The following ZNF804B variants were observed in gnomAD, a reference collection of about 807,000 sequenced individuals.
The protein encoded by ZNF804B is zinc finger protein 804B, also known as zinc finger 804B.
Under a neutral mutation model 101.4 loss-of-function variants are expected in ZNF804B, and 80 were observed. The ratio of observed to expected loss-of-function variants is 0.79; its 90% confidence interval spans 0.66 to 0.95. ZNF804B has a LOEUF of 0.95. Ranked by LOEUF, ZNF804B falls within the 40% of genes least tolerant of loss-of-function variation. ZNF804B has a pLI of 0.00. For missense variants in ZNF804B, 1,673 were observed against 1,561.9 expected, an observed-to-expected ratio of 1.07 and a Z score of -1.20; for synonymous variants, 622 against 558.8, an observed-to-expected ratio of 1.11 and a Z score of -1.59.
At chr7:88,937,267 CCGG>C (rs1792987131) in intron 1 of ZNF804B, among the ~76,000 whole-genome samples, 2 of 152,036 alleles carry the variant, frequency 1.3e-5, no homozygotes, top group Non-Finnish European at 2.9e-5. Flanking sequence ...GCATTAGATA[CCGG>C]CAACAGGACT....
chr7:89,275,129 T>A (rs1259321412), intron 2 of ZNF804B, among the ~76,000 whole-genome samples: 2 of 151,988 alleles, frequency 1.3e-5, no homozygotes, highest in Non-Finnish European at 2.9e-5. Context: ...CTCAAAAACC[T>A]GTTTTTCTTC....
At chr7:89,123,951 G>T (rs540044329) in intron 1 of ZNF804B, among the ~76,000 whole-genome samples, 2 of 152,272 alleles carry the variant, frequency 1.3e-5, no homozygotes, top group East Asian at 3.9e-4. Flanking sequence ...GCAAGCATGG[G>T]AAGTCTGAAA....
At chr7:88,900,749 A>G (rs1031274104) in intron 1 of ZNF804B, among the ~76,000 whole-genome samples, 1 of 151,522 alleles carries the variant, frequency 6.6e-6, no homozygotes, top group African/African-American at 2.4e-5. Flanking sequence ...TTTGTACTTT[A>G]GATGGCCATC....
intron 1 of ZNF804B, among the ~76,000 whole-genome samples, chr7:89,034,197 T>G (rs2116236315): frequency 6.6e-6 from 1 of 152,270 alleles, no homozygotes; most frequent in Middle Eastern, 3.4e-3. Flanking sequence ...AGATTATAGG[T>G]TAATAAAGCA....
At chr7:89,062,863 A>G (rs1313637456) in intron 1 of ZNF804B, among the ~76,000 whole-genome samples, 1 of 152,138 alleles carries the variant, frequency 6.6e-6, no homozygotes, top group Admixed American at 6.6e-5. Context: ...GGATCCACTT[A>G]TGAAATAATA....
In ZNF804B at chr7:89,086,518, T is replaced by C. The variant is rs140973227; in HGVS notation, c.109-131637T>C. On this transcript the variant is annotated intron_variant, in intron 1 of 3. Transcript: ENST00000333190. Reference sequence around the variant, plus strand: ...CTGGTTAGTGGAAATAATTTATTGATGTAATAACAACTATTAAAAATAAAA... The same window carrying C: ...CTGGTTAGTGGAAATAATTTATTGACGTAATAACAACTATTAAAAATAAAA... Among the ~76,000 whole-genome samples the C allele has an allele frequency of 2.0e-4, 30 of 152,094 alleles. No homozygotes were observed. The East Asian group carries it at 5.8e-3, about 29-fold the overall frequency.
intron 1 of ZNF804B, among the ~76,000 whole-genome samples, chr7:89,104,162 GTT>G (rs1790100357): frequency 6.6e-6 from 1 of 151,922 alleles, no homozygotes; most frequent in Non-Finnish European, 1.5e-5. Context: ...TTGCATCTAT[GTT>G]CATCAGGGTT....
At chr7:89,081,145 T>C (rs563455290) in intron 1 of ZNF804B, among the ~76,000 whole-genome samples, 8 of 151,546 alleles carry the variant, frequency 5.3e-5, no homozygotes, top group African/African-American at 1.9e-4. Context: ...AGATTGCTCC[T>C]TAGATTGAGA....
At chr7:89,154,954 T>C (rs1350684449) in intron 1 of ZNF804B, among the ~76,000 whole-genome samples, 4 of 152,036 alleles carry the variant, frequency 2.6e-5, no homozygotes, top group African/African-American at 4.8e-5. Flanking sequence ...GATACCCATT[T>C]CCCATGATGC....
chr7:89,210,114 C>T (rs113857953), intron 1 of ZNF804B, among the ~76,000 whole-genome samples: 26 of 151,362 alleles, frequency 1.7e-4, no homozygotes, highest in African/African-American at 6.3e-4. Flanking sequence ...TGCCACTGTA[C>T]CCCAGCCTGG....
chr7:89,069,083 C>G (rs1789497715), intron 1 of ZNF804B, among the ~76,000 whole-genome samples: 1 of 152,162 alleles, frequency 6.6e-6, no homozygotes, highest in Non-Finnish European at 1.5e-5. Flanking sequence ...GTGACCTTAC[C>G]AGTACCCTGT....
chr7:88,774,707 C>A (rs1405545480), intron 1 of ZNF804B, among the ~76,000 whole-genome samples: 2 of 152,040 alleles, frequency 1.3e-5, no homozygotes, highest in Admixed American at 6.6e-5. Context: ...ATGTGGGAAA[C>A]CACTGAAGAG....
At chr7:88,913,000 T>C (rs541270692) in intron 1 of ZNF804B, among the ~76,000 whole-genome samples, 3 of 152,318 alleles carry the variant, frequency 2.0e-5, no homozygotes, top group Non-Finnish European at 4.4e-5. Flanking sequence ...TTGTTTTCGA[T>C]GTTATCAAAA....
At chr7:88,826,846 A>G (rs1273416928) in intron 1 of ZNF804B, among the ~76,000 whole-genome samples, 1 of 152,130 alleles carries the variant, frequency 6.6e-6, no homozygotes, top group East Asian at 1.9e-4. Context: ...AAATAAGGAA[A>G]TACATGTACC....
intron 1 of ZNF804B, among the ~76,000 whole-genome samples, chr7:88,822,607 TAG>T (rs1270980473): frequency 6.6e-6 from 1 of 152,000 alleles, no homozygotes; most frequent in African/African-American, 2.4e-5. Flanking sequence ...ATCAATAGTG[TAG>T]AGAGAAAAAA....
chr7:88,932,443 T>C (rs1188806212), intron 1 of ZNF804B, among the ~76,000 whole-genome samples: 1 of 151,618 alleles, frequency 6.6e-6, no homozygotes, highest in East Asian at 1.9e-4. Flanking sequence ...ATACAAAAGA[T>C]AAATGAAACA....
intron 2 of ZNF804B, among the ~76,000 whole-genome samples, chr7:89,263,818 G>A (rs1789744735): frequency 2.0e-5 from 3 of 152,130 alleles, no homozygotes; most frequent in East Asian, 3.9e-4. Context: ...AGGCAGGGAG[G>A]GATTCAACTT....
rs1791030567 is a variant in ZNF804B, at chr7:89,333,989, TTACTCC to T, written c.1011_1016del (p.Pro338_Thr339del). 1 of 1,613,382 alleles carries T rather than the reference TTACTCC, an allele frequency of 6.2e-7. No individual in the cohort carries two copies. On this transcript the variant is annotated inframe_deletion, in exon 4 of 4. Coordinates refer to ENST00000333190, the MANE Select transcript of ZNF804B (RefSeq NM_181646.5). ...AACATTCATCTTTCAGATGTAGATT[TTACTCC>T]TACCAGCAGAGAAAAAGAAACTAGA...
intron 1 of ZNF804B, among the ~76,000 whole-genome samples, chr7:88,846,794 G>A (rs868636556): frequency 6.6e-6 from 1 of 151,786 alleles, no homozygotes; most frequent in Admixed American, 6.6e-5. Context: ...GTATATATGT[G>A]TGTATATATG....
Sources: gnomAD v4.1 joint callset for allele counts (sites outside exome capture counted in the v4.1 genomes callset) on GRCh38, gnomAD v4.1.1 for gene constraint, MANE v1.5 for transcripts, NCBI Gene and HGNC (gene_info 2026-07-23, HGNC 2026-07-21) for gene names.